The following CUX1 variants were observed in gnomAD, a reference collection of about 807,000 sequenced individuals.
CUX1 encodes the protein cut like homeobox 1, also known as protein CASP.
Under a neutral mutation model 158.8 loss-of-function variants are expected in CUX1, and 31 were observed. That is an observed-to-expected ratio of 0.20 (90% CI 0.15 to 0.26). The LOEUF (loss-of-function observed/expected upper bound fraction) is 0.26. CUX1 is among the 10% of genes least tolerant of loss of function. CUX1 has a pLI of 1.00. For synonymous variants in CUX1, 879 were observed against 862.1 expected (o/e 1.02, Z -0.34); for missense variants, 1,589 against 2,014.6 (o/e 0.79, Z 4.04).
intron 1 of CUX1, among the ~76,000 whole-genome samples, chr7:101,858,414 C>T: frequency 6.6e-6 from 1 of 152,168 alleles, no homozygotes. Context: ...CCTCACCCAT[C>T]CCTTCTTGGT....
chr7:102,257,951 G>A lies in CUX1; in HGVS notation c.*8909G>A, dbSNP rs1554542675. On this transcript the variant is annotated 3_prime_UTR_variant, in exon 24 of 24. Transcript: ENST00000292535. ...TTTGAGATGCCTCTGGTGTGTTGCT[G>A]TGTGACATCTCTCTGGTAACATTTT... 1.0e-6 allele frequency: 1 copy of A among 961,048 alleles called. No homozygotes were observed. Among genetic ancestry groups the A allele is most frequent in the Non-Finnish European group, 1.2e-6 (1 of 822,818 alleles). 59.5% of individuals were successfully genotyped at this position (961,048 alleles called of 1,614,324 possible).
chr7:101,948,896 C>G (rs1042478563), intron 2 of CUX1, among the ~76,000 whole-genome samples: 20 of 152,226 alleles, frequency 1.3e-4, no homozygotes, highest in Non-Finnish European at 2.9e-5. Context: ...CACTGTGCCC[C>G]TGCAAGTGTG....
At chr7:101,846,162 G>C (rs1219517747) in intron 1 of CUX1, among the ~76,000 whole-genome samples, 1 of 152,122 alleles carries the variant, frequency 6.6e-6, no homozygotes, top group Admixed American at 6.6e-5. Flanking sequence ...AGGAATGATT[G>C]GTTTTATTTA....
intron 8 of CUX1, among the ~76,000 whole-genome samples, chr7:102,120,680 C>T (rs1288100175): frequency 6.6e-5 from 10 of 152,148 alleles, no homozygotes; most frequent in African/African-American, 2.4e-4. Context: ...GAAAACTTTC[C>T]CGTAGCTAAC....
At chr7:102,173,208 G>C (rs1254440541) in intron 10 of CUX1, among the ~76,000 whole-genome samples, 1 of 151,560 alleles carries the variant, frequency 6.6e-6, no homozygotes, top group Non-Finnish European at 1.5e-5. Flanking sequence ...AAAAATAGAA[G>C]AATTAGCTGG....
rs782434079 is a variant in CUX1 at position 102,239,404 on chromosome 7, C to T, written c.3707C>T (p.Ala1236Val). The T allele has an allele frequency of 1.2e-5, 20 of 1,613,506 alleles. No homozygotes were observed. The African/African-American group carries it at 2.7e-4, about 22-fold the overall frequency. Reference protein sequence around the residue: ...PSVGTEYSQGASPQPQHQLKK... With the variant: ...PSVGTEYSQGVSPQPQHQLKK... ...GTCGGCACCGAGTACAGCCAGGGCG[C>T]CAGCCCCCAGCCCCAGCACCAGCTG... The change falls in exon 23 of 24, where the codon GCC becomes GTC. Residue 1236 changes from alanine to valine, a missense_variant. Ala to Val is a moderately conservative substitution (Grantham distance 64, BLOSUM62 0). Coordinates refer to ENST00000292535, the MANE Select transcript of CUX1 (RefSeq NM_181552.4).
Position 102,256,989 on chromosome 7 carries a change from C to T in CUX1, c.*7947C>T. 2 of 985,434 alleles carry T rather than the reference C, an allele frequency of 2.0e-6. No individual in the cohort carries two copies. The highest frequency in any genetic ancestry group is 2.4e-6 in the Non-Finnish European group (2 of 829,958). 61.0% of individuals were successfully genotyped at this position (985,434 alleles called of 1,614,324 possible). On this transcript the variant is annotated 3_prime_UTR_variant, in exon 24 of 24. Transcript: ENST00000292535. ...GAGATCATAGGCAGAGGGCCCCTTT[C>T]CCCTATAGGTGGTTCAACGTGGAGG...
At chr7:102,159,720 G>A (rs1048709710) in intron 9 of CUX1, among the ~76,000 whole-genome samples, 2 of 151,866 alleles carry the variant, frequency 1.3e-5, no homozygotes, top group Non-Finnish European at 2.9e-5. Context: ...ATTTAGCAAG[G>A]CGTGGTGGCA....
intron 14 of CUX1, among the ~76,000 whole-genome samples, chr7:102,271,406 T>C (rs1030463121): frequency 6.6e-6 from 1 of 152,148 alleles, no homozygotes; most frequent in Admixed American, 6.5e-5. Context: ...GGTGGTTTCC[T>C]CTCCCTACAT....
chr7:102,082,769 G>C (rs781910023), intron 4 of CUX1, among the ~76,000 whole-genome samples: 1 of 147,412 alleles, frequency 6.8e-6, no homozygotes, highest in African/African-American at 2.4e-5. Flanking sequence ...ATTCATCTAA[G>C]TTACTGGTGT....
At chr7:102,127,447 C>A (rs1832759869) in intron 8 of CUX1, among the ~76,000 whole-genome samples, 1 of 152,192 alleles carries the variant, frequency 6.6e-6, no homozygotes, top group African/African-American at 2.4e-5. Context: ...TCAAACAATC[C>A]TCCCACCTTG....
At chr7:101,972,781 G>T (rs1338474584) in intron 2 of CUX1, among the ~76,000 whole-genome samples, 13 of 152,204 alleles carry the variant, frequency 8.5e-5, no homozygotes, top group Non-Finnish European at 1.5e-5. Flanking sequence ...TAGAGAAAGA[G>T]ACACTGTCAG....
At chr7:102,027,236 T>C (rs1341610298) in intron 2 of CUX1, among the ~76,000 whole-genome samples, 1 of 151,866 alleles carries the variant, frequency 6.6e-6, no homozygotes, top group Non-Finnish European at 1.5e-5. Context: ...AATACAAACA[T>C]TAGCCGGGCG....
chr7:101,828,217 G>A (rs57357642), intron 1 of CUX1, among the ~76,000 whole-genome samples: 3,305 of 151,920 alleles, frequency 0.022, 108 homozygotes, highest in African/African-American at 0.075. Context: ...TGATCTGTCC[G>A]CTTCGGCCTC....
At position 101,916,257 on chromosome 7, in the gene CUX1, A is replaced by G; in HGVS notation, c.141+32A>G. On this transcript the variant is annotated intron_variant, in intron 2 of 23. Coordinates refer to ENST00000292535, the MANE Select transcript of CUX1 (RefSeq NM_181552.4). The surrounding 1 kb of genome is among the most constrained non-coding windows in gnomAD (Gnocchi z 4.4). ...CGCGTGACCATCGTGTTCGCTTTGA[A>G]GGGATCTTAGAATGCTGGTGCATGT... is the stretch of plus-strand genomic sequence containing the variant. The G allele has an allele frequency of 7.3e-7, 1 of 1,374,110 alleles. No homozygotes were observed. The highest frequency in any genetic ancestry group is 1.7e-5 in the Admixed American group (1 of 59,576). The allele number at this position is 1,374,110 out of a possible 1,614,324, so 85.1% of individuals were successfully genotyped here.
At chr7:101,846,875 T>C (rs2131219086) in intron 1 of CUX1, among the ~76,000 whole-genome samples, 1 of 152,136 alleles carries the variant, frequency 6.6e-6, no homozygotes, top group Non-Finnish European at 1.5e-5. Context: ...GCTCATGCTG[T>C]AATCCCAGCA....
At chr7:101,999,467 C>G (rs1194246238) in intron 2 of CUX1, among the ~76,000 whole-genome samples, 1 of 152,166 alleles carries the variant, frequency 6.6e-6, no homozygotes, top group Non-Finnish European at 1.5e-5. Context: ...GCTTTGCAGT[C>G]TCAGTTCTCT....
At chr7:102,237,606 C>G (rs1269655402) in intron 22 of CUX1, among the ~76,000 whole-genome samples, 1 of 152,228 alleles carries the variant, frequency 6.6e-6, no homozygotes, top group East Asian at 1.9e-4. Flanking sequence ...TCAGTTTAAA[C>G]ATCATCTCTT....
rs371129117 is a variant in CUX1, at chr7:102,204,532, G to A, written c.3049G>A (p.Val1017Ile). 17 of 1,613,348 alleles carry A rather than the reference G, an allele frequency of 1.1e-5. No individual in the cohort carries two copies. Among genetic ancestry groups the A allele is most frequent in the African/African-American group, 2.7e-5 (2 of 74,948 alleles). Reference protein sequence around the residue: ...NGELGQGVLPVQGQQQGPVLH... With the variant: ...NGELGQGVLPIQGQQQGPVLH... ...CGAGCTAGGCCAGGGTGTTCTACCC[G>A]TCCAGGGCCAGCAGCAAGGGCCAGG... is the stretch of plus-strand genomic sequence containing the variant. The change falls in exon 19 of 24, where the codon GTC (valine) becomes ATC (isoleucine). Residue 1017 changes from valine (V) to isoleucine (I), a missense_variant. Physicochemically the swap from Val to Ile is conservative, Grantham distance 29 (BLOSUM62 3). Coordinates refer to ENST00000292535, the MANE Select transcript of CUX1 (RefSeq NM_181552.4).
Sources: gnomAD v4.1 joint callset for allele counts (sites outside exome capture counted in the v4.1 genomes callset) on GRCh38, gnomAD v4.1.1 for gene constraint, Gnocchi (gnomAD v3.1) non-coding constraint, MANE v1.5 for transcripts, NCBI Gene and HGNC (gene_info 2026-07-23, HGNC 2026-07-21) for gene names.